Variants in NRXN2 observed in about 807,000 individuals in gnomAD.
NRXN2 encodes neurexin 2, also known as neurexin-2-beta.
In NRXN2, 29 loss-of-function variants were observed where a neutral mutation model predicts 128.8. The observed-to-expected ratio is 0.23, with a 90% CI of 0.17 to 0.31. The LOEUF (loss-of-function observed/expected upper bound fraction) is 0.31, where lower values mean the gene tolerates loss of function less well. Among genes scored for constraint, NRXN2 ranks in the 10% least tolerant of loss-of-function variants. The pLI is 1.00. For synonymous variants in NRXN2, 1,098 were observed against 1,075.2 expected, an observed-to-expected ratio of 1.02 and a Z score of -0.41; for missense variants, 1,881 against 2,452.6, an observed-to-expected ratio of 0.77 and a Z score of 4.92.
chr11:64,623,266 C>A lies in NRXN2; in HGVS notation c.3848-188G>T, dbSNP rs1370999796. The A allele has an allele frequency of 4.7e-6, 5 of 1,064,282 alleles. No homozygotes were observed. In the African/African-American group the frequency reaches 4.8e-5, roughly 10 times the overall value. 65.9% of individuals were successfully genotyped at this position (1,064,282 alleles called of 1,614,324 possible). On this transcript the variant is annotated intron_variant, in intron 20 of 22. Transcript: ENST00000265459. This position sits in a 1 kb window ranked among gnomAD's most constrained non-coding sequence, Gnocchi z 4.9. Reference sequence around the variant, plus strand: ...AAGGGAAAGTCCTTGTCAGCCACAGCCCCTAGCCCAGCCAGGTGGGGACCC... The same window carrying A: ...AAGGGAAAGTCCTTGTCAGCCACAGACCCTAGCCCAGCCAGGTGGGGACCC...
chr11:64,620,629 C>T (rs937697799), intron 21 of NRXN2, among the ~76,000 whole-genome samples: 7 of 151,086 alleles, frequency 4.6e-5, no homozygotes, highest in African/African-American at 1.5e-4. Flanking sequence ...ACACATGGTG[C>T]TTTTTATTTC....
intron 6 of NRXN2, among the ~76,000 whole-genome samples, chr11:64,678,151 T>C (rs1255935615): frequency 6.6e-6 from 1 of 151,864 alleles, no homozygotes; most frequent in Non-Finnish European, 1.5e-5. Flanking sequence ...AGAGAGTGAG[T>C]CGCCACCAGA....
At chr11:64,668,683 G>T in intron 7 of NRXN2, 79 bp from the exon 8 acceptor site, 2 of 1,551,570 alleles carry the variant, frequency 1.3e-6, no homozygotes. Context: ...GCTAGGCAAA[G>T]GAGGGGCCAG....
At chr11:64,683,579 C>T (rs1009363062) in intron 6 of NRXN2, among the ~76,000 whole-genome samples, 5 of 150,312 alleles carry the variant, frequency 3.3e-5, no homozygotes, top group Non-Finnish European at 5.9e-5. Flanking sequence ...GAGATCACGC[C>T]GCTGCACTCC....
At position 64,648,286 on chromosome 11, in the gene NRXN2, C is replaced by T. The variant is rs775198045; in HGVS notation, c.3336G>A (p.Leu1112=). ...CGCAGGTGAAGCCATCCCACTGCTG[C>T]AAGCAGACGCCCTGGTTGGCACAGG... The part of the protein sequence containing the change: ...EESCANQGVC[L]QQWDGFTCDC... Residue 1112 remains leucine (L), a synonymous_variant, in exon 17 of 23, where the codon TTG becomes TTA. Transcript: ENST00000265459. This position sits in a 1 kb window ranked among gnomAD's most constrained non-coding sequence, Gnocchi z 4.1. 2 of 1,614,214 alleles carry T rather than the reference C, an allele frequency of 1.2e-6. No homozygotes were observed. Among genetic ancestry groups the T allele is most frequent in the Non-Finnish European group, 1.7e-6 (2 of 1,180,028 alleles).
intron 22 of NRXN2, among the ~76,000 whole-genome samples, chr11:64,618,534 G>A (rs1016450971): frequency 6.6e-6 from 1 of 152,148 alleles, no homozygotes; most frequent in African/African-American, 2.4e-5. Flanking sequence ...AGCAGGCCTG[G>A]GCTAGCAGTG....
chr11:64,624,715 A>T (rs2042854919), intron 20 of NRXN2, among the ~76,000 whole-genome samples: 1 of 152,220 alleles, frequency 6.6e-6, no homozygotes, highest in Non-Finnish European at 1.5e-5. Flanking sequence ...AGAGGAAGAA[A>T]CAGGATTCAG....
intron 2 of NRXN2, chr11:64,712,580 T>A: frequency 3.1e-6 from 1 of 318,836 alleles, no homozygotes; most frequent in East Asian, 1.1e-4. Context: ...CCCCGCCCAC[T>A]GCCTTTAATG....
At chr11:64,722,734 C>T (rs927105357) in intron 1 of NRXN2, among the ~76,000 whole-genome samples, 49 of 151,184 alleles carry the variant, frequency 3.2e-4, no homozygotes, top group Non-Finnish European at 6.2e-4. Flanking sequence ...TTCCTCCCAC[C>T]CCTCCCCATT....
chr11:64,681,953 G>A (rs10128590), intron 6 of NRXN2, among the ~76,000 whole-genome samples: 39,995 of 151,876 alleles, frequency 0.26, 5,869 homozygotes, highest in East Asian at 0.48. Context: ...CCATCCTTAG[G>A]GGAATGCGTT....
chr11:64,652,428 G>A (rs1565307838), intron 12 of NRXN2, among the ~76,000 whole-genome samples: 1 of 152,082 alleles, frequency 6.6e-6, no homozygotes, highest in East Asian at 1.9e-4. Flanking sequence ...TGTGACTTTA[G>A]GAGGTGCCAT....
rs1284486627 is a variant in NRXN2, at chr11:64,607,253, A to T, written c.5082T>A (p.Ala1694=). 6.2e-7 allele frequency: 1 copy of T among 1,613,876 alleles called. No homozygotes were observed. The highest frequency in any genetic ancestry group is 2.2e-5 in the East Asian group (1 of 44,844). Residue 1694 remains alanine, a synonymous_variant, in exon 23 of 23, where the codon GCT becomes GCA. Coordinates refer to ENST00000265459, the MANE Select transcript of NRXN2 (RefSeq NM_015080.4). ...NGAVVKEKAP[A]APKTPSKAKK... is the part of the protein sequence containing the mutation. ...TGGCCTTGCTGGGCGTCTTGGGGGC[A>T]GCCGGGGCCTTCTCTTTCACCACCG...
intron 22 of NRXN2, among the ~76,000 whole-genome samples, chr11:64,611,297 T>C (rs1023565506): frequency 3.3e-5 from 5 of 152,162 alleles, no homozygotes; most frequent in Non-Finnish European, 5.9e-5. Context: ...GCAGGCACTA[T>C]GGAGAGCTTA....
At chr11:64,652,634 A>G (rs971592567) in intron 12 of NRXN2, among the ~76,000 whole-genome samples, 4 of 152,148 alleles carry the variant, frequency 2.6e-5, no homozygotes, top group Non-Finnish European at 5.9e-5. Flanking sequence ...CCAAATGTAA[A>G]TGCGAGCCCA....
In NRXN2 at chr11:64,635,774, G is replaced by A. The variant is rs1337264256; in HGVS notation, c.3404-322C>T. Among the ~76,000 whole-genome samples, 1 of 152,164 alleles carries A rather than the reference G, an allele frequency of 6.6e-6. No homozygotes were observed. On this transcript the variant is annotated intron_variant, in intron 17 of 22. Coordinates refer to ENST00000265459, the MANE Select transcript of NRXN2 (RefSeq NM_015080.4). The surrounding 1 kb of genome is among the most constrained non-coding windows in gnomAD (Gnocchi z 4.8). ...CTGTAAGGAGACTGAGAAGACAAGA[G>A]TGCTGTGGGCAGGAAAGACCCAGGG...
At position 64,688,640 on chromosome 11, in the gene NRXN2, A is replaced by G. The variant is rs924917960; in HGVS notation, c.850+1765T>C. The G allele has an allele frequency of 1.3e-5, 13 of 985,254 alleles. No individual in the cohort carries two copies. The African/African-American group carries it at 1.6e-4, about 12-fold the overall frequency. The allele number at this position is 985,254 out of a possible 1,614,324, so 61.0% of individuals were successfully genotyped here. On this transcript the variant is annotated intron_variant, in intron 5 of 22. Coordinates refer to ENST00000265459, the MANE Select transcript of NRXN2 (RefSeq NM_015080.4). ...TACAACTCCCAGCAGCGCTTGCACA[A>G]TTACCGCCCCTAATTGCTCCGGACC...
intron 17 of NRXN2, among the ~76,000 whole-genome samples, chr11:64,645,051 G>T (rs904407052): frequency 1.3e-5 from 2 of 152,178 alleles, no homozygotes; most frequent in Non-Finnish European, 2.9e-5. Context: ...CCCAGAGGAG[G>T]CTTCCGGTGG....
At chr11:64,636,658 G>A (rs2044766938) in intron 17 of NRXN2, among the ~76,000 whole-genome samples, 1 of 152,034 alleles carries the variant, frequency 6.6e-6, no homozygotes, top group Admixed American at 6.5e-5. Flanking sequence ...AACAGATGAG[G>A]CCTAAGGGCA....
rs200881363 is a variant in NRXN2 at position 64,648,842 on chromosome 11, G to A, written c.3175C>T (p.Arg1059Trp). 13 of 1,614,150 alleles carry A rather than the reference G, an allele frequency of 8.1e-6. No homozygotes were observed. Among genetic ancestry groups the A allele is most frequent in the Non-Finnish European group, 1.1e-5 (13 of 1,180,020 alleles). ...FSNLPKLVAS[R>W]DGFQGCLASV... ...GCCAGGCAGCCCTGAAAGCCATCCC[G>A]GGAGGCCACCAGCTTGGGCAGGTTG... Residue 1059 changes from arginine (R) to tryptophan (W), a missense_variant, in exon 16 of 23, where the codon CGG (arginine) becomes TGG (tryptophan). Coordinates refer to ENST00000265459, the MANE Select transcript of NRXN2 (RefSeq NM_015080.4). This position sits in a 1 kb window ranked among gnomAD's most constrained non-coding sequence, Gnocchi z 4.1.
Sources: gnomAD v4.1 joint callset for allele counts (sites outside exome capture counted in the v4.1 genomes callset) on GRCh38, gnomAD v4.1.1 for gene constraint, Gnocchi (gnomAD v3.1) non-coding constraint, MANE v1.5 for transcripts, NCBI Gene and HGNC (gene_info 2026-07-23, HGNC 2026-07-21) for gene names.